The following POT1 variants were observed in gnomAD, a reference collection of about 807,000 sequenced individuals.
The protein encoded by POT1 is protection of telomeres protein 1.
Under a neutral mutation model 78.5 loss-of-function variants are expected in POT1, and 47 were observed. That is an observed-to-expected ratio of 0.60 (90% CI 0.47 to 0.76). The LOEUF is 0.76. POT1 is among the 30% of genes least tolerant of loss of function. The pLI, the probability that POT1 is intolerant of heterozygous loss-of-function variation, is 0.00. For missense variants in POT1, 646 were observed against 749.9 expected, an observed-to-expected ratio of 0.86 and a Z score of 1.62; for synonymous variants, 259 against 260.7, an observed-to-expected ratio of 0.99 and a Z score of 0.06.
intron 3 of POT1, among the ~76,000 whole-genome samples, chr7:124,902,350 G>A (rs1796642966): frequency 6.6e-6 from 1 of 152,196 alleles, no homozygotes; most frequent in Non-Finnish European, 1.5e-5. Context: ...CTACAAGCCA[G>A]AAGAGAGTTG....
chr7:124,852,032 A>C (rs1795321755), intron 10 of POT1, 81 bp from the exon 11 acceptor site: 1 of 884,722 alleles, frequency 1.1e-6, no homozygotes, highest in Non-Finnish European at 1.8e-6. Context: ...AAAATCCAGA[A>C]ATTCATTGAA....
Position 124,854,378 on chromosome 7 carries a change from C to A in POT1, c.703-1240G>T, listed in dbSNP as rs533737564. Among the ~76,000 whole-genome samples the A allele has an allele frequency of 2.6e-5, 4 of 151,912 alleles. No individual in the cohort carries two copies. In the East Asian group the frequency reaches 7.7e-4, roughly 29 times the overall value. Reference sequence around the variant, plus strand: ...CTCGCATACTGGCACTCAAAAAGATCTGCATTTAGGAGAATTCTGGACTTT... The same window carrying A: ...CTCGCATACTGGCACTCAAAAAGATATGCATTTAGGAGAATTCTGGACTTT... On this transcript the variant is annotated intron_variant, in intron 9 of 18. Coordinates refer to ENST00000357628, the MANE Select transcript of POT1 (RefSeq NM_015450.3).
Position 124,927,155 on chromosome 7 carries a change from T to C in POT1, c.-227+1660A>G, listed in dbSNP as rs1001438578. Among the ~76,000 whole-genome samples, 27 of 152,220 alleles carry C rather than the reference T, an allele frequency of 1.8e-4. No homozygotes were observed. In the South Asian group the frequency reaches 2.3e-3, roughly 13 times the overall value. ...TCTTGAAAGACATTTTCTGCTTTCATTTTTTCACCTGACATTCAATCCTCA... is the reference window on the plus strand; with the variant it reads ...TCTTGAAAGACATTTTCTGCTTTCACTTTTTCACCTGACATTCAATCCTCA... On this transcript the variant is annotated intron_variant, in intron 2 of 18. Transcript: ENST00000357628.
intron 6 of POT1, among the ~76,000 whole-genome samples, chr7:124,876,183 G>C (rs1795986467): frequency 6.6e-6 from 1 of 152,142 alleles, no homozygotes; most frequent in Admixed American, 6.5e-5. Flanking sequence ...AGAACCATTT[G>C]TTTGTATATC....
At chr7:124,883,809 C>T (rs958540437) in intron 6 of POT1, among the ~76,000 whole-genome samples, 12 of 151,146 alleles carry the variant, frequency 7.9e-5, no homozygotes, top group African/African-American at 2.9e-4. Context: ...GGTGCATTTT[C>T]AATTAAAAAA....
intron 9 of POT1, among the ~76,000 whole-genome samples, chr7:124,857,944 T>G (rs1312678780): frequency 1.3e-5 from 2 of 152,182 alleles, no homozygotes; most frequent in Non-Finnish European, 2.9e-5. Context: ...CCCTCTCAGA[T>G]GCTGCTGTGG....
chr7:124,851,754 C>T, intron 11 of POT1, 118 bp downstream of exon 11: 1 of 764,586 alleles, frequency 1.3e-6, no homozygotes. Flanking sequence ...TAGTATGTTC[C>T]TCTACTACAT....
chr7:124,904,721 T>C (rs1157133510), intron 3 of POT1, among the ~76,000 whole-genome samples: 2 of 152,192 alleles, frequency 1.3e-5, no homozygotes, highest in Non-Finnish European at 2.9e-5. Context: ...TGTTTGCAGA[T>C]GACATGATTA....
chr7:124,878,956 T>A (rs59802163), intron 6 of POT1, among the ~76,000 whole-genome samples: 1 of 151,410 alleles, frequency 6.6e-6, no homozygotes, highest in African/African-American at 2.4e-5. Context: ...AGTTGACGAA[T>A]AAGAAATGAA....
At chr7:124,927,771 C>T (rs1797311162) in intron 2 of POT1, among the ~76,000 whole-genome samples, 1 of 152,130 alleles carries the variant, frequency 6.6e-6, no homozygotes, top group Non-Finnish European at 1.5e-5. Flanking sequence ...CAAAATTGAA[C>T]TTATCATGTT....
chr7:124,861,395 A>G (rs1416582752), intron 8 of POT1, among the ~76,000 whole-genome samples: 4 of 152,052 alleles, frequency 2.6e-5, no homozygotes, highest in Non-Finnish European at 5.9e-5. Flanking sequence ...TAGCCACATA[A>G]ATGTCTTCTT....
At chr7:124,896,409 G>C (rs1379772087) in intron 5 of POT1, among the ~76,000 whole-genome samples, 1 of 151,622 alleles carries the variant, frequency 6.6e-6, no homozygotes, top group East Asian at 1.9e-4. Context: ...TTTTCAAAAA[G>C]TACATCAGTT....
intron 3 of POT1, among the ~76,000 whole-genome samples, chr7:124,903,504 C>A (rs1299024277): frequency 6.6e-5 from 10 of 152,182 alleles, no homozygotes; most frequent in African/African-American, 2.4e-4. Flanking sequence ...ATACCAGCAT[C>A]TCTGGGACAC....
intron 7 of POT1, among the ~76,000 whole-genome samples, chr7:124,865,321 CTTTG>C (rs891068528): frequency 2.0e-5 from 3 of 152,164 alleles, no homozygotes; most frequent in African/African-American, 7.2e-5. Flanking sequence ...ACATTTAAGT[CTTTG>C]TTTTTCATCA....
At chr7:124,911,514 C>G (rs1449403828) in intron 3 of POT1, among the ~76,000 whole-genome samples, 1 of 152,012 alleles carries the variant, frequency 6.6e-6, no homozygotes, top group Non-Finnish European at 1.5e-5. Context: ...GAGAAATGGT[C>G]CGATGATTTG....
chr7:124,868,710 T>A (rs1795791965), intron 7 of POT1, among the ~76,000 whole-genome samples: 1 of 150,044 alleles, frequency 6.7e-6, no homozygotes, highest in Admixed American at 6.7e-5. Flanking sequence ...AATATATATA[T>A]TATTTGGATT....
intron 3 of POT1, among the ~76,000 whole-genome samples, chr7:124,908,662 A>G (rs1234359257): frequency 6.6e-6 from 1 of 151,898 alleles, no homozygotes. Flanking sequence ...TAATTGTTTA[A>G]TTCTTCTCCA....
At chr7:124,838,610 CT>C (rs897837630) in intron 14 of POT1, among the ~76,000 whole-genome samples, 144 of 145,364 alleles carry the variant, frequency 9.9e-4, no homozygotes, top group Middle Eastern at 3.6e-3. Context: ...TTATGGCAAT[CT>C]TTTTTTTTTT....
At chr7:124,874,915 A>AT (rs1795953981) in intron 6 of POT1, among the ~76,000 whole-genome samples, 1 of 151,838 alleles carries the variant, frequency 6.6e-6, no homozygotes, top group Non-Finnish European at 1.5e-5. Flanking sequence ...AGAAATCTGA[A>AT]TTTGTGAGAA....
Sources: gnomAD v4.1 joint callset for allele counts (sites outside exome capture counted in the v4.1 genomes callset) on GRCh38, gnomAD v4.1.1 for gene constraint, MANE v1.5 for transcripts, NCBI Gene and HGNC (gene_info 2026-07-23, HGNC 2026-07-21) for gene names.